The following DNAH6 variants were observed in gnomAD, a reference collection of about 807,000 sequenced individuals.
DNAH6 encodes the protein axonemal beta dynein heavy chain 6.
DNAH6 carries 340 observed loss-of-function variants against 491.4 expected under a neutral mutation model. The ratio of observed to expected loss-of-function variants is 0.69; its 90% confidence interval spans 0.63 to 0.76. DNAH6 has a LOEUF of 0.76. Among genes scored for constraint, DNAH6 ranks in the 30% least tolerant of loss-of-function variants. DNAH6 has a pLI of 0.00. For missense variants in DNAH6, 4,443 were observed against 4,972.2 expected (o/e 0.89, Z 3.20); for synonymous variants, 1,603 against 1,686.1 (o/e 0.95, Z 1.21).
the DNAH6 span, among the ~76,000 whole-genome samples, chr2:84,473,042 C>T: frequency 3.1e-4 from 47 of 152,060 alleles, no homozygotes; most frequent in African/African-American, 1.1e-3. Flanking sequence ...TTGTTGAGGT[C>T]CTGCAAATGA....
intron 64 of DNAH6, among the ~76,000 whole-genome samples, chr2:84,765,872 A>G (rs1675028540): frequency 6.6e-6 from 1 of 152,122 alleles, no homozygotes; most frequent in Admixed American, 6.5e-5. Flanking sequence ...AAAGAAATTC[A>G]AAAGATATAT....
At chr2:84,493,675 G>A in the DNAH6 span, among the ~76,000 whole-genome samples, 1 of 152,288 alleles carries the variant, frequency 6.6e-6, no homozygotes, top group East Asian at 1.9e-4. Flanking sequence ...TTATGTAAAT[G>A]AGTCATCACT....
intron 68 of DNAH6, among the ~76,000 whole-genome samples, chr2:84,789,377 G>A (rs1484372580): frequency 1.3e-5 from 2 of 152,180 alleles, no homozygotes; most frequent in African/African-American, 2.4e-5. Context: ...CTTACATCCA[G>A]ATCAGAGGCA....
At chr2:84,731,554 T>C (rs1228831068) in intron 61 of DNAH6, among the ~76,000 whole-genome samples, 1 of 152,250 alleles carries the variant, frequency 6.6e-6, no homozygotes, top group Non-Finnish European at 1.5e-5. Flanking sequence ...AACATTGTCA[T>C]GCCCCTGGCT....
At chr2:84,720,543 G>T (rs986742217) in intron 59 of DNAH6, among the ~76,000 whole-genome samples, 24 of 151,984 alleles carry the variant, frequency 1.6e-4, no homozygotes, top group Non-Finnish European at 2.6e-4. Context: ...CTCCCAAAGT[G>T]CTGGGATTAC....
At chr2:84,695,922 AG>A (rs1439562931) in intron 46 of DNAH6, among the ~76,000 whole-genome samples, 2 of 152,168 alleles carry the variant, frequency 1.3e-5, no homozygotes, top group Non-Finnish European at 2.9e-5. Flanking sequence ...TTCTGTTGGA[AG>A]CCCCAATCAA....
Position 84,547,331 on chromosome 2 carries a change from T to C in DNAH6, c.994T>C (p.Cys332Arg), listed in dbSNP as rs933454792. 6.4e-6 allele frequency: 10 copies of C among 1,551,384 alleles called. No individual in the cohort carries two copies. The highest frequency in any genetic ancestry group is 1.7e-4 in the Middle Eastern group (1 of 5,994). Residue 332 changes from cysteine (C) to arginine (R), a missense_variant, in exon 6 of 77, where the codon TGT becomes CGT. By Grantham distance (180) the Cys-to-Arg change is radical. Transcript: ENST00000389394. Reference protein sequence around the residue: ...LCYHLSFMGLCYIEKCHTYTL... With the variant: ...LCYHLSFMGLRYIEKCHTYTL... ...TTATCATTTGAGTTTTATGGGACTT[T>C]GTTATATTGAAAAGTGTCACACCTA...
intron 11 of DNAH6, among the ~76,000 whole-genome samples, chr2:84,561,191 T>C (rs946571322): frequency 6.6e-6 from 1 of 152,124 alleles, no homozygotes. Context: ...AAAACAGAGA[T>C]ATAGATCAAT....
At chr2:84,770,799 A>G (rs1334193181) in intron 64 of DNAH6, among the ~76,000 whole-genome samples, 1 of 151,624 alleles carries the variant, frequency 6.6e-6, no homozygotes, top group Non-Finnish European at 1.5e-5. Flanking sequence ...CCTAGGCAAC[A>G]AGGTAAGACC....
intron 8 of DNAH6, among the ~76,000 whole-genome samples, chr2:84,549,558 G>A (rs1162400704): frequency 6.6e-6 from 1 of 152,164 alleles, no homozygotes; most frequent in Non-Finnish European, 1.5e-5. Flanking sequence ...CTCCTTTAAA[G>A]CATCTTTTAA....
Position 84,710,407 on chromosome 2 carries a change from G to T in DNAH6, c.9373G>T (p.Glu3125Ter). Residue 3125 changes from glutamate (E) to a stop codon, truncating the protein, a stop_gained, in exon 56 of 77, where the codon GAA (glutamate) becomes TAA (stop). Coordinates refer to ENST00000389394, the MANE Select transcript of DNAH6 (RefSeq NM_001370.2). LOFTEE classifies it high-confidence loss of function. ...SIRLGLPVLL[E>*]ELKETLDPAL... ...CCGACTTGGTTTACCTGTCTTACTG[G>T]AAGAGGTTTGATTTTCACTTCCTTT... The T allele has an allele frequency of 6.4e-7, 1 of 1,551,614 alleles. No homozygotes were observed. The highest frequency in any genetic ancestry group is 1.2e-5 in the South Asian group (1 of 84,016).
At chr2:84,653,989 C>A in intron 34 of DNAH6, 115 bp downstream of exon 34, 1 of 828,338 alleles carries the variant, frequency 1.2e-6, no homozygotes, top group Non-Finnish European at 1.8e-6. Context: ...TTATTGTGTT[C>A]TGTTTACTTA....
At chr2:84,479,676 A>T in the DNAH6 span, among the ~76,000 whole-genome samples, 11,962 of 152,204 alleles carry the variant, frequency 0.079, 1,097 homozygotes, top group African/African-American at 0.22. Flanking sequence ...CATAAAAGAG[A>T]CCCAAGAGTT....
intron 11 of DNAH6, among the ~76,000 whole-genome samples, chr2:84,570,798 A>G (rs1398546207): frequency 1.3e-5 from 2 of 152,310 alleles, no homozygotes; most frequent in South Asian, 2.1e-4. Flanking sequence ...ACGCTGTGGA[A>G]GGTTTGTTCT....
chr2:84,787,068 C>T (rs767763545), intron 67 of DNAH6, 96 bp from the exon 68 acceptor site: 3 of 916,804 alleles, frequency 3.3e-6, no homozygotes, highest in Non-Finnish European at 4.8e-6. Flanking sequence ...GTGGGGATGC[C>T]CATTTTCAAT....
chr2:84,477,678 A>G, the DNAH6 span, among the ~76,000 whole-genome samples: 1 of 152,198 alleles, frequency 6.6e-6, no homozygotes, highest in African/African-American at 2.4e-5. Flanking sequence ...TAAGTTACAC[A>G]TTCCCTTCCT....
At position 84,699,640 on chromosome 2, in the gene DNAH6, T is replaced by C; in HGVS notation, c.7724T>C (p.Val2575Ala). 1 of 1,551,864 alleles carries C rather than the reference T, an allele frequency of 6.4e-7. No homozygotes were observed. The highest frequency in any genetic ancestry group is 2.4e-5 in the East Asian group (1 of 40,928). Residue 2575 changes from valine to alanine, a missense_variant, in exon 48 of 77, where the codon GTT becomes GCT. By Grantham distance (64) the Val-to-Ala change is moderately conservative (BLOSUM62 0). Around this residue, in one of 3 missense-constraint regions of DNAH6, gnomAD observed 2,977 missense variants for 3,296.6 expected, o/e 0.90. Transcript: ENST00000389394. ...ISKVRQKLHI[V>A]LCMSPVGEAF... is the part of the protein sequence containing the mutation. Reference sequence around the variant, plus strand: ...AAAGTGCGTCAGAAGCTGCACATTGTTCTCTGCATGAGCCCAGTTGGGGAG... The same window carrying C: ...AAAGTGCGTCAGAAGCTGCACATTGCTCTCTGCATGAGCCCAGTTGGGGAG...
intron 59 of DNAH6, among the ~76,000 whole-genome samples, chr2:84,719,883 CACACACACACACACAG>C (rs1402887440): frequency 1.5e-4 from 21 of 140,836 alleles, no homozygotes; most frequent in South Asian, 2.3e-4. Flanking sequence ...CACACACACA[CACACACACACACACAG>C]ACACACACAC....
intron 14 of DNAH6, among the ~76,000 whole-genome samples, chr2:84,580,313 C>T (rs562629837): frequency 0.012 from 351 of 30,512 alleles, 1 homozygote; most frequent in South Asian, 0.1. Context: ...CACACATACA[C>T]ACGCACACAC....
Sources: allele counts gnomAD v4.1 joint callset (sites outside exome capture counted in the v4.1 genomes callset), GRCh38; gene constraint gnomAD v4.1.1; regional missense constraint gnomAD v4.1.1; transcripts MANE v1.5; gene names NCBI Gene and HGNC (gene_info 2026-07-23, HGNC 2026-07-21).